Variants in NBPF11 observed in about 807,000 individuals in gnomAD.
NBPF11 encodes NBPF family member NBPF11.
Under a neutral mutation model 93.9 loss-of-function variants are expected in NBPF11, and 72 were observed. That is an observed-to-expected ratio of 0.77 (90% CI 0.63 to 0.93). NBPF11 has a LOEUF of 0.93. NBPF11 is among the 40% of genes least tolerant of loss of function. NBPF11 has a pLI of 0.00. For synonymous variants in NBPF11, 224 were observed against 304.9 expected (o/e 0.73, Z 2.76); for missense variants, 705 against 802.2 (o/e 0.88, Z 1.46).
intron 22 of NBPF11, among the ~76,000 whole-genome samples, chr1:148,104,847 C>A (rs1279907732): frequency 6.7e-6 from 1 of 148,606 alleles, no homozygotes; most frequent in Non-Finnish European, 1.5e-5. Flanking sequence ...GGTAAAATGT[C>A]CCTATTCTAG....
intron 15 of NBPF11, among the ~76,000 whole-genome samples, chr1:148,111,730 C>G (rs1249683745): frequency 1.3e-5 from 2 of 151,742 alleles, no homozygotes; most frequent in Admixed American, 1.3e-4. Context: ...AATGAACAAG[C>G]CTCCAATAAA....
rs1219802683 is a variant in NBPF11, at chr1:148,102,177, A to C, written c.*1719T>G. ...GATAGGCAAAAGGTTTTAATTGTAT[A>C]GATTAAAATTAACTTTGGACAAAAA... On this transcript the variant is annotated 3_prime_UTR_variant, in exon 24 of 24. Transcript: ENST00000682118. 6.6e-6 allele frequency: 1 copy of C among 152,124 alleles called. No homozygotes were observed. Among genetic ancestry groups the C allele is most frequent in the East Asian group, 1.9e-4 (1 of 5,204 alleles). 9.4% of individuals were successfully genotyped at this position (152,124 alleles called of 1,614,324 possible). A position where few individuals can be genotyped will look rare whatever the true frequency, so the allele number is the denominator to read the frequency against.
rs1452040031 is a variant in NBPF11, at chr1:148,146,503, C to T, written c.-548-2817G>A. On this transcript the variant is annotated intron_variant, in intron 1 of 23. Transcript: ENST00000682118. ...CCTGCCGCCGGAGGCCACCTACTCC[C>T]TGGTGCCTGAGCCCGAGCTGGGGCC... 10 of 1,603,720 alleles carry T rather than the reference C, an allele frequency of 6.2e-6. No individual in the cohort carries two copies. The East Asian group carries it at 2.2e-4, about 36-fold the overall frequency.
intron 21 of NBPF11, among the ~76,000 whole-genome samples, chr1:148,105,961 T>A (rs1663501595): frequency 6.9e-6 from 1 of 145,192 alleles, no homozygotes; most frequent in East Asian, 2.0e-4. Context: ...AATACAGTTT[T>A]TGAAGTCTGG....
chr1:148,111,173 A>G (rs1378739721), intron 15 of NBPF11, among the ~76,000 whole-genome samples: 2 of 151,962 alleles, frequency 1.3e-5, no homozygotes, highest in African/African-American at 2.4e-5. Flanking sequence ...GACTGTTAGA[A>G]GGAAAACTAA....
Position 148,117,931 on chromosome 1 carries a change from A to C in NBPF11, c.1092-145T>G. The C allele has an allele frequency of 6.6e-6, 4 of 602,322 alleles. No homozygotes were observed. The South Asian group carries it at 8.0e-5, about 12-fold the overall frequency. 37.3% of individuals were successfully genotyped at this position (602,322 alleles called of 1,614,324 possible). ...CATGTTGAAAGGAATGTCTGTGGCC[A>C]AGAGAAAGAATAGAAAATGGTTTAC... On this transcript the variant is annotated intron_variant, in intron 11 of 23. Coordinates refer to ENST00000682118, the MANE Select transcript of NBPF11 (RefSeq NM_001385469.3).
In NBPF11 at chr1:148,146,804, G is replaced by A. The variant is rs1378522569; in HGVS notation, c.-548-3118C>T. ...AGCTTCTACATTGGCCTGGGCTCCC[G>A]CCTCCACTGCAACATCTTCACCTAC... On this transcript the variant is annotated intron_variant, in intron 1 of 23. Coordinates refer to ENST00000682118, the MANE Select transcript of NBPF11 (RefSeq NM_001385469.3). The A allele has an allele frequency of 1.5e-5, 24 of 1,613,274 alleles. No individual in the cohort carries two copies. The East Asian group carries it at 2.0e-4, about 13-fold the overall frequency.
At position 148,149,224 on chromosome 1, in the gene NBPF11, G is replaced by T. The variant is rs1647594700; in HGVS notation, c.-549+2526C>A. On this transcript the variant is annotated intron_variant, in intron 1 of 23. Coordinates refer to ENST00000682118, the MANE Select transcript of NBPF11 (RefSeq NM_001385469.3). ...AGAGCATCGGCACGGTGCCCACCAT[G>T]GACCTGGCCTCGCGCTACGAGTGTG... 4.5e-6 allele frequency: 7 copies of T among 1,549,910 alleles called. 1 individual carries two copies. In the South Asian group the frequency reaches 7.9e-5, roughly 17 times the overall value.
At chr1:148,129,154 ATT>A (rs1491542852) in intron 4 of NBPF11, among the ~76,000 whole-genome samples, 2 of 135,840 alleles carry the variant, frequency 1.5e-5, no homozygotes, top group African/African-American at 2.9e-5. Flanking sequence ...ATGTATATAT[ATT>A]ATATATATAT....
intron 23 of NBPF11, among the ~76,000 whole-genome samples, 198 bp from the exon 24 acceptor site, chr1:148,104,110 G>C (rs1228266275): frequency 6.0e-5 from 8 of 132,622 alleles, no homozygotes; most frequent in African/African-American, 2.1e-4. Flanking sequence ...GACAGAGAGA[G>C]AGAGACAGAG....
chr1:148,119,636 G>A (rs1373669334), intron 10 of NBPF11, among the ~76,000 whole-genome samples: 1 of 151,934 alleles, frequency 6.6e-6, no homozygotes, highest in East Asian at 1.9e-4. Flanking sequence ...GCTACTCTCT[G>A]CTTTTTATTC....
rs1173851078 is a variant in NBPF11 at position 148,138,387 on chromosome 1, C to T, written c.-276-578G>A. Among the ~76,000 whole-genome samples, 610 of 151,682 alleles carry T rather than the reference C, an allele frequency of 4.0e-3. 20 individuals are homozygous for T. The highest frequency in any genetic ancestry group is 0.013 in the African/African-American group (535 of 41,070). On this transcript the variant is annotated intron_variant, in intron 2 of 23. Transcript: ENST00000682118. The stretch of plus-strand genomic sequence containing the variant: ...AATCCTCCTCAGCACAGACCCTTTA[C>T]GGGTGTCGGGCTGGGGGACAGTCAG...
chr1:148,122,051 C>T lies in NBPF11; in HGVS notation c.778+4G>A, dbSNP rs1441855806. ...GTATGAGACACAAGGAAAATAGAGG[C>T]TACCTGGGAGAATGTTTAGAGCATC... On this transcript the variant is annotated splice_donor_region_variant and intron_variant, in intron 9 of 23. Coordinates refer to ENST00000682118, the MANE Select transcript of NBPF11 (RefSeq NM_001385469.3). 8 of 1,599,122 alleles carry T rather than the reference C, an allele frequency of 5.0e-6. No homozygotes were observed. The highest frequency in any genetic ancestry group is 2.7e-5 in the African/African-American group (2 of 74,348).
intron 5 of NBPF11, among the ~76,000 whole-genome samples, chr1:148,125,409 T>C (rs1668883128): frequency 6.6e-6 from 1 of 152,014 alleles, no homozygotes; most frequent in Non-Finnish European, 1.5e-5. Context: ...GACTGATGGT[T>C]TCCCTTTTAC....
intron 23 of NBPF11, 88 bp downstream of exon 23, chr1:148,104,448 AC>A: frequency 1.6e-6 from 1 of 608,880 alleles, no homozygotes; most frequent in East Asian, 2.7e-5. Flanking sequence ...TTCGTTGAAA[AC>A]ATGACATCAA....
chr1:148,108,540 G>A lies in NBPF11; in HGVS notation c.1968C>T (p.Tyr656=). 1.2e-6 allele frequency: 2 copies of A among 1,602,762 alleles called. No individual in the cohort carries two copies. The highest frequency in any genetic ancestry group is 1.7e-6 in the Non-Finnish European group (2 of 1,172,274). Residue 656 remains tyrosine (Y), a synonymous_variant, in exon 18 of 24, where the codon TAC becomes TAT. Coordinates refer to ENST00000682118, the MANE Select transcript of NBPF11 (RefSeq NM_001385469.3). Reference sequence around the variant, plus strand: ...GCTCCAATACGTAAAAGGCACTTCTGTAGGGCTGGCATGAGTCAGTCAGTC... The same window carrying A: ...GCTCCAATACGTAAAAGGCACTTCTATAGGGCTGGCATGAGTCAGTCAGTC... ...YLGLTDSCQP[Y]RSAFYVLEQQ...
At chr1:148,108,880 C>G (rs1195384131) in intron 17 of NBPF11, among the ~76,000 whole-genome samples, 1 of 143,390 alleles carries the variant, frequency 7.0e-6, no homozygotes, top group African/African-American at 2.6e-5. Flanking sequence ...CACACACACA[C>G]ACACACACAC....
chr1:148,149,969 C>T (rs1230804636), intron 1 of NBPF11, among the ~76,000 whole-genome samples: 3 of 151,692 alleles, frequency 2.0e-5, no homozygotes, highest in Admixed American at 6.6e-5. Flanking sequence ...TGTGGGGTAA[C>T]TGGAATATTC....
In NBPF11 at chr1:148,103,565, T is replaced by C. The variant is rs1196564786; in HGVS notation, c.*331A>G. On this transcript the variant is annotated 3_prime_UTR_variant, in exon 24 of 24. Transcript: ENST00000682118. The stretch of plus-strand genomic sequence containing the variant: ...GAATAGAGCCATGCCCACTGACCCA[T>C]CCTATGTCTGGGCTTCCAAATGGAA... The C allele has an allele frequency of 1.7e-4, 266 of 1,595,746 alleles. 1 individual carries two copies. The South Asian group carries it at 1.8e-3, about 11-fold the overall frequency.
Sources: gnomAD v4.1 joint callset for allele counts (sites outside exome capture counted in the v4.1 genomes callset) on GRCh38, gnomAD v4.1.1 for gene constraint, MANE v1.5 for transcripts, NCBI Gene and HGNC (gene_info 2026-07-23, HGNC 2026-07-21) for gene names.